ZNF423: variants seen among roughly 807,000 people sequenced by gnomAD.
The protein encoded by ZNF423 is Ebf-associated zinc finger protein.
ZNF423 carries 12 observed loss-of-function variants against 95.8 expected under a neutral mutation model. The ratio of observed to expected loss-of-function variants is 0.13; its 90% CI spans 0.08 to 0.20. The LOEUF is 0.20. Among genes scored for constraint, ZNF423 ranks in the 10% least tolerant of loss-of-function variants. The pLI is 1.00. For missense variants in ZNF423, 1,316 were observed against 1,737.1 expected, an observed-to-expected ratio of 0.76 and a Z score of 4.31; for synonymous variants, 749 against 711.9, an observed-to-expected ratio of 1.05 and a Z score of -0.83.
chr16:49,841,731 G>A (rs764148396), intron 1 of ZNF423, among the ~76,000 whole-genome samples: 4 of 152,194 alleles, frequency 2.6e-5, no homozygotes, highest in Non-Finnish European at 5.9e-5. Flanking sequence ...CCCCTCTCTG[G>A]CCTCCAGGCT....
intron 1 of ZNF423, among the ~76,000 whole-genome samples, chr16:49,834,834 C>T (rs1176199054): frequency 6.6e-6 from 1 of 151,960 alleles, no homozygotes; most frequent in East Asian, 1.9e-4. Context: ...TGTGCGCTCC[C>T]CTCCCCCAGC....
chr16:49,626,615 A>C (rs955721360), intron 4 of ZNF423, among the ~76,000 whole-genome samples: 12 of 151,716 alleles, frequency 7.9e-5, no homozygotes, highest in African/African-American at 2.9e-4. Flanking sequence ...CCATCCACCC[A>C]TCTACATACA....
intron 1 of ZNF423, among the ~76,000 whole-genome samples, chr16:49,803,093 G>C (rs1361487033): frequency 2.0e-5 from 3 of 151,264 alleles, no homozygotes; most frequent in African/African-American, 7.3e-5. Context: ...CGTCTCTACA[G>C]AAAAATAAAA....
chr16:49,699,308 AGGG>A (rs2151953289), intron 3 of ZNF423, among the ~76,000 whole-genome samples: 1 of 152,372 alleles, frequency 6.6e-6, no homozygotes, highest in East Asian at 1.9e-4. Context: ...ATTCTAGAAA[AGGG>A]GGCTTTGCTA....
At chr16:49,735,467 C>T (rs531802050) in intron 2 of ZNF423, among the ~76,000 whole-genome samples, 2 of 152,318 alleles carry the variant, frequency 1.3e-5, no homozygotes, top group East Asian at 3.9e-4. Context: ...AGCAATATCT[C>T]CCACCCCACC....
chr16:49,567,497 G>T (rs934755976), intron 5 of ZNF423, among the ~76,000 whole-genome samples: 4 of 152,056 alleles, frequency 2.6e-5, no homozygotes, highest in African/African-American at 9.7e-5. Flanking sequence ...AAAGAAAAAG[G>T]TCTCCCAGTC....
At chr16:49,776,710 C>G (rs2034127588) in intron 2 of ZNF423, among the ~76,000 whole-genome samples, 1 of 152,246 alleles carries the variant, frequency 6.6e-6, no homozygotes, top group South Asian at 2.1e-4. Flanking sequence ...GACAGATGCA[C>G]CAAGACTGGG....
chr16:49,660,174 C>T (rs1397569423), intron 3 of ZNF423, among the ~76,000 whole-genome samples: 1 of 152,162 alleles, frequency 6.6e-6, no homozygotes, highest in Non-Finnish European at 1.5e-5. Context: ...TGGGAGCCCC[C>T]ACAAGGTGCC....
chr16:49,741,629 G>T (rs540625592), intron 2 of ZNF423, among the ~76,000 whole-genome samples: 1 of 152,202 alleles, frequency 6.6e-6, no homozygotes, highest in African/African-American at 2.4e-5. Flanking sequence ...TGCCTTGGAG[G>T]GCTGGTCCAG....
At chr16:49,833,381 T>C (rs746901905) in intron 1 of ZNF423, among the ~76,000 whole-genome samples, 6 of 152,226 alleles carry the variant, frequency 3.9e-5, no homozygotes, top group Admixed American at 2.0e-4. Flanking sequence ...TGCAAGCGAT[T>C]ATTTTGTTTC....
chr16:49,516,010 G>A (rs1968125354), intron 7 of ZNF423, among the ~76,000 whole-genome samples: 1 of 152,184 alleles, frequency 6.6e-6, no homozygotes, highest in Non-Finnish European at 1.5e-5. Flanking sequence ...TTTGCGGGCT[G>A]TCTTGCACCC....
chr16:49,818,135 T>C (rs571868775), intron 1 of ZNF423, among the ~76,000 whole-genome samples: 1 of 152,214 alleles, frequency 6.6e-6, no homozygotes, highest in East Asian at 1.9e-4. Context: ...TTCTGTGCAG[T>C]TGAAATCTAA....
chr16:49,556,065 T>A (rs1355246004), intron 5 of ZNF423, among the ~76,000 whole-genome samples: 1 of 152,166 alleles, frequency 6.6e-6, no homozygotes, highest in African/African-American at 2.4e-5. Context: ...CTAGGAATTA[T>A]TTCCACTCAA....
At chr16:49,841,039 G>T (rs1296273649) in intron 1 of ZNF423, among the ~76,000 whole-genome samples, 1 of 152,204 alleles carries the variant, frequency 6.6e-6, no homozygotes, top group African/African-American at 2.4e-5. Context: ...ACAGGCTAAA[G>T]CCTGAACAAC....
chr16:49,516,877 C>T (rs1018689852), intron 7 of ZNF423, among the ~76,000 whole-genome samples: 2 of 152,226 alleles, frequency 1.3e-5, no homozygotes, highest in Non-Finnish European at 2.9e-5. Flanking sequence ...CTGGCTGCCA[C>T]CGCTGTCACT....
chr16:49,577,065 C>A (rs1970522377), intron 5 of ZNF423, among the ~76,000 whole-genome samples: 1 of 152,108 alleles, frequency 6.6e-6, no homozygotes, highest in Admixed American at 6.5e-5. Context: ...ACAACCCGGG[C>A]AGACAATGAG....
At position 49,637,584 on chromosome 16, in the gene ZNF423, G is replaced by C. The variant is rs1972780886; in HGVS notation, c.1592C>G (p.Ser531Cys). Residue 531 changes from serine to cysteine, a missense_variant, in exon 4 of 8, where the codon TCC becomes TGC. Physicochemically the swap from Ser to Cys is moderately radical, Grantham distance 112 (BLOSUM62 -1). Coordinates refer to ENST00000563137, the MANE Select transcript of ZNF423 (RefSeq NM_001379286.1). This position sits in a 1 kb window ranked among gnomAD's most constrained non-coding sequence, Gnocchi z 5.6. ...GNNAFFCNQC[S>C]MGFLTESSLT... ...GGAGGACTCAGTAAGGAAACCCATGGAGCACTGGTTGCAGAAGAAAGCATT... is the reference window on the plus strand; with the variant it reads ...GGAGGACTCAGTAAGGAAACCCATGCAGCACTGGTTGCAGAAGAAAGCATT... The C allele has an allele frequency of 6.2e-7, 1 of 1,613,958 alleles. No homozygotes were observed. Among genetic ancestry groups the C allele is most frequent in the Non-Finnish European group, 8.5e-7 (1 of 1,180,030 alleles).
At chr16:49,730,065 G>A (rs868704414) in intron 3 of ZNF423, among the ~76,000 whole-genome samples, 1 of 152,086 alleles carries the variant, frequency 6.6e-6, no homozygotes, top group Non-Finnish European at 1.5e-5. Flanking sequence ...TGTCATCCCT[G>A]TAGCATGGCT....
chr16:49,722,315 T>C (rs536847567), intron 3 of ZNF423, among the ~76,000 whole-genome samples: 1 of 152,332 alleles, frequency 6.6e-6, no homozygotes, highest in South Asian at 2.1e-4. Flanking sequence ...CAGGTCAGCA[T>C]CTTCCTGAGA....
Sources: allele counts gnomAD v4.1 joint callset (sites outside exome capture counted in the v4.1 genomes callset), GRCh38; gene constraint gnomAD v4.1.1; non-coding constraint Gnocchi (gnomAD v3.1); transcripts MANE v1.5; gene names NCBI Gene and HGNC (gene_info 2026-07-23, HGNC 2026-07-21).